The following MMS22L variants were observed in gnomAD, a reference collection of about 807,000 sequenced individuals.
MMS22L encodes the protein MMS22 like, DNA repair protein, also known as protein MMS22-like.
Under a neutral mutation model 159.1 loss-of-function variants are expected in MMS22L, and 74 were observed. The observed-to-expected ratio is 0.47, with a 90% CI of 0.39 to 0.56. The LOEUF (loss-of-function observed/expected upper bound fraction) is 0.56. Ranked by LOEUF, MMS22L falls within the 20% of genes least tolerant of loss-of-function variation. MMS22L has a pLI of 0.00. For synonymous variants in MMS22L, 517 were observed against 506.9 expected (o/e 1.02, Z -0.27); for missense variants, 1,351 against 1,422.1 (o/e 0.95, Z 0.80).
intron 18 of MMS22L, among the ~76,000 whole-genome samples, chr6:97,177,395 G>C (rs549853575): frequency 1.3e-5 from 2 of 152,188 alleles, no homozygotes; most frequent in South Asian, 4.2e-4. Context: ...AAGGCCACCT[G>C]AGATAAAGAA....
intron 24 of MMS22L, among the ~76,000 whole-genome samples, chr6:97,147,640 A>G (rs1025215397): frequency 1.3e-5 from 2 of 152,230 alleles, no homozygotes; most frequent in African/African-American, 2.4e-5. Flanking sequence ...ATGTCTGTGC[A>G]TGAGCTTGTT....
intron 11 of MMS22L, among the ~76,000 whole-genome samples, chr6:97,243,246 T>C (rs1473142290): frequency 6.6e-6 from 1 of 152,158 alleles, no homozygotes; most frequent in African/African-American, 2.4e-5. Flanking sequence ...ATAATCCCAA[T>C]ATTCTTGGAG....
chr6:97,182,014 T>C lies in MMS22L; in HGVS notation c.2274A>G (p.Pro758=), dbSNP rs1804766184. The stretch of plus-strand genomic sequence containing the variant: ...TAACTGGCTGAGGCTGAAAATCTGA[T>C]GGAGCTGTGCTTGGCATGTCCATTG... ...LLAMDMPSTA[P]SDFQPQPVIS... is the part of the protein sequence containing the mutation. The change falls in exon 16 of 25, where the codon CCA becomes CCG. Residue 758 remains proline, a synonymous_variant. Coordinates refer to ENST00000683635, the MANE Select transcript of MMS22L (RefSeq NM_001350599.2). 3 of 1,613,792 alleles carry C rather than the reference T, an allele frequency of 1.9e-6. No homozygotes were observed. The East Asian group carries it at 6.7e-5, about 36-fold the overall frequency.
intron 4 of MMS22L, among the ~76,000 whole-genome samples, chr6:97,274,468 T>C (rs905314244): frequency 6.6e-6 from 1 of 152,098 alleles, no homozygotes; most frequent in Non-Finnish European, 1.5e-5. Flanking sequence ...CATCTCCCAC[T>C]GTAAAGCTGA....
At chr6:97,161,347 T>C (rs967245290) in intron 22 of MMS22L, among the ~76,000 whole-genome samples, 5 of 152,002 alleles carry the variant, frequency 3.3e-5, no homozygotes, top group Non-Finnish European at 7.4e-5. Context: ...TCTGGGTGAT[T>C]GTTTTAATGT....
At chr6:97,199,603 C>A (rs1582581368) in intron 14 of MMS22L, among the ~76,000 whole-genome samples, 1 of 151,952 alleles carries the variant, frequency 6.6e-6, no homozygotes, top group Admixed American at 6.6e-5. Context: ...CTCTCACACT[C>A]AAAAAATGCA....
intron 11 of MMS22L, among the ~76,000 whole-genome samples, chr6:97,237,327 T>C (rs1443412877): frequency 2.0e-5 from 3 of 152,190 alleles, no homozygotes; most frequent in Non-Finnish European, 4.4e-5. Flanking sequence ...TTTCAATGAA[T>C]GAAGAGTGAC....
chr6:97,168,104 T>C lies in MMS22L; in HGVS notation c.2976A>G (p.Ser992=). 1 of 1,612,038 alleles carries C rather than the reference T, an allele frequency of 6.2e-7. No homozygotes were observed. The highest frequency in any genetic ancestry group is 8.5e-7 in the Non-Finnish European group (1 of 1,178,966). ...ACAAAGGAAGACTTTTCTGAATTGC[T>C]GACAACATAGGTGCAGGCAGTTCCT... ...QEKELPAPML[S]AIQKSLPLYL... is the part of the protein sequence containing the mutation. The change falls in exon 20 of 25, where the codon TCA becomes TCG. Residue 992 remains serine, a synonymous_variant. Coordinates refer to ENST00000683635, the MANE Select transcript of MMS22L (RefSeq NM_001350599.2).
rs931181982 is a variant in MMS22L, at chr6:97,143,259, T to C, written c.*3547A>G. The C allele has an allele frequency of 6.6e-6, 1 of 152,184 alleles. No homozygotes were observed. Among genetic ancestry groups the C allele is most frequent in the African/African-American group, 2.4e-5 (1 of 41,438 alleles). The allele number at this position is 152,184 out of a possible 1,614,324, so 9.4% of individuals were successfully genotyped here. A position where few individuals can be genotyped will look rare whatever the true frequency, so the allele number is the denominator to read the frequency against. On this transcript the variant is annotated 3_prime_UTR_variant, in exon 25 of 25. Coordinates refer to ENST00000683635, the MANE Select transcript of MMS22L (RefSeq NM_001350599.2). The stretch of plus-strand genomic sequence containing the variant: ...CCTATTTAAGTGTCTTCAATTTCTA[T>C]AGGAAAGAGGTCCTATACAGTTTCC...
intron 22 of MMS22L, among the ~76,000 whole-genome samples, chr6:97,152,410 T>A (rs1327678116): frequency 1.3e-5 from 2 of 152,164 alleles, no homozygotes; most frequent in Non-Finnish European, 2.9e-5. Context: ...AATACTTACA[T>A]TCTTTAAATA....
chr6:97,183,113 T>G (rs1804887655), intron 15 of MMS22L, among the ~76,000 whole-genome samples: 1 of 152,156 alleles, frequency 6.6e-6, no homozygotes. Context: ...TAATTTCAAT[T>G]GTAAAGTACC....
At chr6:97,181,579 A>G (rs1036669881) in intron 16 of MMS22L, among the ~76,000 whole-genome samples, 1 of 152,292 alleles carries the variant, frequency 6.6e-6, no homozygotes, top group Middle Eastern at 3.4e-3. Context: ...TATCTTACAG[A>G]TTCAGTAATA....
At chr6:97,210,910 C>A (rs1336784672) in intron 14 of MMS22L, among the ~76,000 whole-genome samples, 1 of 151,874 alleles carries the variant, frequency 6.6e-6, no homozygotes, top group Non-Finnish European at 1.5e-5. Flanking sequence ...GTAAGAGATT[C>A]CATATTTTGT....
At chr6:97,208,732 C>A (rs1343534359) in intron 14 of MMS22L, among the ~76,000 whole-genome samples, 1 of 152,002 alleles carries the variant, frequency 6.6e-6, no homozygotes, top group African/African-American at 2.4e-5. Flanking sequence ...GTATAAAGAA[C>A]TGCTCTCATC....
At chr6:97,210,777 G>A (rs958418315) in intron 14 of MMS22L, among the ~76,000 whole-genome samples, 68 of 152,026 alleles carry the variant, frequency 4.5e-4, no homozygotes, top group African/African-American at 7.2e-5. Flanking sequence ...TTGGTTACAC[G>A]TTCTCACAAA....
At chr6:97,253,191 G>A (rs766152238) in intron 10 of MMS22L, among the ~76,000 whole-genome samples, 3 of 151,954 alleles carry the variant, frequency 2.0e-5, no homozygotes, top group Admixed American at 6.6e-5. Flanking sequence ...TTATTATTAC[G>A]GGGATTATTT....
At chr6:97,182,636 T>C (rs924294446) in intron 15 of MMS22L, among the ~76,000 whole-genome samples, 4 of 152,220 alleles carry the variant, frequency 2.6e-5, no homozygotes, top group Non-Finnish European at 4.4e-5. Flanking sequence ...TTTTGTATGA[T>C]ATTAATTTGT....
intron 14 of MMS22L, among the ~76,000 whole-genome samples, chr6:97,202,398 T>C (rs562149968): frequency 6.6e-6 from 1 of 152,182 alleles, no homozygotes; most frequent in African/African-American, 2.4e-5. Flanking sequence ...TCTATATATA[T>C]AGAGCAAAGC....
chr6:97,161,613 A>C (rs547408800), intron 22 of MMS22L, among the ~76,000 whole-genome samples: 1 of 152,190 alleles, frequency 6.6e-6, no homozygotes, highest in East Asian at 1.9e-4. Context: ...ATCAGCTTAG[A>C]TATTCCAGCA....
Sources: gnomAD v4.1 joint callset for allele counts (sites outside exome capture counted in the v4.1 genomes callset) on GRCh38, gnomAD v4.1.1 for gene constraint, MANE v1.5 for transcripts, NCBI Gene and HGNC (gene_info 2026-07-23, HGNC 2026-07-21) for gene names.